The following DNM3 variants were observed in gnomAD, a reference collection of about 807,000 sequenced individuals.
The protein encoded by DNM3 is dynamin 3, also known as dynamin-3.
Under a neutral mutation model 101.6 loss-of-function variants are expected in DNM3, and 47 were observed. That is an observed-to-expected ratio of 0.46 (90% CI 0.37 to 0.59). The LOEUF (loss-of-function observed/expected upper bound fraction) is 0.59, where lower values mean the gene tolerates loss of function less well. Ranked by LOEUF, DNM3 falls within the 20% of genes least tolerant of loss-of-function variation. The pLI is 0.00. For synonymous variants in DNM3, 385 were observed against 387.9 expected (o/e 0.99, Z 0.09); for missense variants, 849 against 1,085.7 (o/e 0.78, Z 3.06).
chr1:172,115,610 A>G (rs1250211806), intron 13 of DNM3, among the ~76,000 whole-genome samples: 1 of 152,126 alleles, frequency 6.6e-6, no homozygotes, highest in Non-Finnish European at 1.5e-5. Context: ...GGATCAGGCA[A>G]TTGGCTTCCT....
intron 17 of DNM3, among the ~76,000 whole-genome samples, chr1:172,329,167 C>T (rs2066073920): frequency 6.6e-6 from 1 of 151,748 alleles, no homozygotes. Context: ...CTATCTTTGG[C>T]AGATCAACTG....
intron 9 of DNM3, among the ~76,000 whole-genome samples, chr1:172,048,327 G>A (rs1217681023): frequency 1.3e-5 from 2 of 152,124 alleles, no homozygotes; most frequent in Non-Finnish European, 2.9e-5. Flanking sequence ...GCAAGGAATT[G>A]ATTTTGGAAT....
intron 17 of DNM3, among the ~76,000 whole-genome samples, chr1:172,331,887 G>A (rs985415226): frequency 6.6e-6 from 1 of 152,178 alleles, no homozygotes; most frequent in African/African-American, 2.4e-5. Context: ...AGGCTGCTGT[G>A]TCAGTTCAGG....
intron 14 of DNM3, among the ~76,000 whole-genome samples, chr1:172,219,054 T>A (rs2060807723): frequency 6.6e-6 from 1 of 151,906 alleles, no homozygotes; most frequent in Non-Finnish European, 1.5e-5. Flanking sequence ...TCTGGAAGCG[T>A]GAAAATTGAA....
intron 2 of DNM3, among the ~76,000 whole-genome samples, chr1:171,970,470 T>A (rs2043909974): frequency 6.6e-6 from 1 of 152,106 alleles, no homozygotes; most frequent in African/African-American, 2.4e-5. Flanking sequence ...ATTTACATAC[T>A]AACTTAGGTA....
At chr1:172,218,894 G>T (rs936083065) in intron 14 of DNM3, among the ~76,000 whole-genome samples, 1 of 152,114 alleles carries the variant, frequency 6.6e-6, no homozygotes. Flanking sequence ...GGTAAAGAGG[G>T]TTGGAGCGGG....
intron 2 of DNM3, among the ~76,000 whole-genome samples, chr1:171,951,086 AT>A (rs902261021): frequency 5.3e-5 from 8 of 152,080 alleles, no homozygotes; most frequent in South Asian, 4.1e-4. Context: ...AATTACATAC[AT>A]TTTTTTAAAG....
chr1:172,024,752 G>A (rs997159979), intron 4 of DNM3, among the ~76,000 whole-genome samples: 1 of 152,206 alleles, frequency 6.6e-6, no homozygotes, highest in Admixed American at 6.5e-5. Flanking sequence ...TGTGCCTAGA[G>A]GAAGGGTGCA....
chr1:172,025,789 C>T lies in DNM3; in HGVS notation c.590-6613C>T, dbSNP rs140790239. Among the ~76,000 whole-genome samples, 60 of 152,248 alleles carry T rather than the reference C, an allele frequency of 3.9e-4. 1 individual carries two copies. Among genetic ancestry groups the T allele is most frequent in the Admixed American group, 3.9e-3 (59 of 15,296 alleles). ...AACAAAAAGGACATCCACACAGAAA[C>T]CCCATCTGAAGATCACCAACCTCAA... is the stretch of plus-strand genomic sequence containing the variant. On this transcript the variant is annotated intron_variant, in intron 4 of 20. Transcript: ENST00000627582.
At chr1:172,154,633 C>A (rs2058268384) in intron 14 of DNM3, among the ~76,000 whole-genome samples, 1 of 152,016 alleles carries the variant, frequency 6.6e-6, no homozygotes. Flanking sequence ...AGATCCCACC[C>A]CGTAAATGTA....
Position 172,092,735 on chromosome 1 carries a change from TAAAGCC to T in DNM3, c.1494-88_1494-83del. 4 of 1,342,756 alleles carry T rather than the reference TAAAGCC, an allele frequency of 3.0e-6. No individual in the cohort carries two copies. The Admixed American group carries it at 1.1e-4, about 37-fold the overall frequency. The allele number at this position is 1,342,756 out of a possible 1,614,324, so 83.2% of individuals were successfully genotyped here. ...GGTCTGTCTCCATTGATTTTTTTTT[TAAAGCC>T]TGTATAAATTTTAGTATTTGTTACT... is the stretch of plus-strand genomic sequence containing the variant. On this transcript the variant is annotated intron_variant, in intron 12 of 20. Transcript: ENST00000627582.
chr1:172,270,190 A>C (rs1053715706), intron 15 of DNM3, among the ~76,000 whole-genome samples: 7 of 152,022 alleles, frequency 4.6e-5, no homozygotes, highest in African/African-American at 1.7e-4. Flanking sequence ...TTCTATTATT[A>C]GCAGTGTTAC....
intron 15 of DNM3, among the ~76,000 whole-genome samples, chr1:172,285,959 G>A (rs2063681425): frequency 6.6e-6 from 1 of 151,998 alleles, no homozygotes; most frequent in Non-Finnish European, 1.5e-5. Flanking sequence ...CACGATTGTT[G>A]TTTTTTGGCT....
intron 16 of DNM3, among the ~76,000 whole-genome samples, chr1:172,313,988 TC>T (rs2065196775): frequency 1.9e-5 from 2 of 107,302 alleles, no homozygotes; most frequent in Non-Finnish European, 3.6e-5. Context: ...GATGTTCCCC[TC>T]CCTGTTTACA....
chr1:172,177,726 G>T (rs2059203969), intron 14 of DNM3, among the ~76,000 whole-genome samples: 2 of 151,846 alleles, frequency 1.3e-5, no homozygotes, highest in South Asian at 4.1e-4. Flanking sequence ...CTTTGGCTCT[G>T]AGTGGACTTA....
chr1:171,841,927 C>T lies in DNM3; in HGVS notation c.161+110C>T. 1.6e-5 allele frequency: 19 copies of T among 1,218,790 alleles called. No homozygotes were observed. The South Asian group carries it at 2.4e-4, about 15-fold the overall frequency. 75.5% of individuals were successfully genotyped at this position (1,218,790 alleles called of 1,614,324 possible). On this transcript the variant is annotated intron_variant, in intron 1 of 20. Transcript: ENST00000627582. ...CAGAGGGTGGATGGACCAGGCGCTG[C>T]GGTGGAATGGGGGGCAGAGTGGAAT...
chr1:172,410,067 T>A lies in DNM3; in HGVS notation c.*2226T>A. On this transcript the variant is annotated 3_prime_UTR_variant, in exon 21 of 21. Coordinates refer to ENST00000627582, the MANE Select transcript of DNM3 (RefSeq NM_015569.5). ...TTGCACTGCCCCAATTGTCTACCTT[T>A]GTGGGTACATTTTTGTTCTTTACTC... is the stretch of plus-strand genomic sequence containing the variant. 1 of 985,498 alleles carries A rather than the reference T, an allele frequency of 1.0e-6. No homozygotes were observed. The highest frequency in any genetic ancestry group is 1.7e-5 in the African/African-American group (1 of 57,360). 61.0% of individuals were successfully genotyped at this position (985,498 alleles called of 1,614,324 possible). A position where few individuals can be genotyped will look rare whatever the true frequency, so the allele number is the denominator to read the frequency against.
chr1:171,891,404 G>T (rs1406080950), intron 1 of DNM3, among the ~76,000 whole-genome samples: 2 of 149,828 alleles, frequency 1.3e-5, no homozygotes, highest in Non-Finnish European at 3.0e-5. Context: ...ACTTGTTTTT[G>T]CATTTATTAA....
intron 1 of DNM3, among the ~76,000 whole-genome samples, chr1:171,843,161 C>T (rs1340566544): frequency 6.6e-6 from 1 of 152,086 alleles, no homozygotes; most frequent in Non-Finnish European, 1.5e-5. Context: ...TATTCCATCT[C>T]TCAGATGATA....
Sources: gnomAD v4.1 joint callset for allele counts (sites outside exome capture counted in the v4.1 genomes callset) on GRCh38, gnomAD v4.1.1 for gene constraint, MANE v1.5 for transcripts, NCBI Gene and HGNC (gene_info 2026-07-23, HGNC 2026-07-21) for gene names.